Variants in AP1S3 observed in about 807,000 individuals in gnomAD.
The protein encoded by AP1S3 is AP-1 complex subunit sigma-3.
AP1S3 carries 10 observed loss-of-function variants against 20.9 expected under a neutral mutation model. The ratio of observed to expected loss-of-function variants is 0.48; its 90% CI spans 0.29 to 0.81. The LOEUF is 0.81. AP1S3 is among the 30% of genes least tolerant of loss of function. The pLI, the probability that AP1S3 is intolerant of heterozygous loss-of-function variation, is 0.08. For missense variants in AP1S3, 154 were observed against 183.8 expected (o/e 0.84, Z 0.94); for synonymous variants, 41 against 61.5 (o/e 0.67, Z 1.56).
Position 223,756,877 on chromosome 2 carries a change from C to T in AP1S3, c.*1838G>A. 1 of 985,316 alleles carries T rather than the reference C, an allele frequency of 1.0e-6. No homozygotes were observed. Among genetic ancestry groups the T allele is most frequent in the Non-Finnish European group, 1.2e-6 (1 of 829,916 alleles). The allele number at this position is 985,316 out of a possible 1,614,324, so 61.0% of individuals were successfully genotyped here. A position where few individuals can be genotyped will look rare whatever the true frequency, so the allele number is the denominator to read the frequency against. ...TCTTCTAGGAAATCACTGGAGGTCCCAAACCACTCTAATATGAATGATACC... is the reference window on the plus strand; with the variant it reads ...TCTTCTAGGAAATCACTGGAGGTCCTAAACCACTCTAATATGAATGATACC... On this transcript the variant is annotated 3_prime_UTR_variant, in exon 5 of 5. Coordinates refer to ENST00000396654, the MANE Select transcript of AP1S3 (RefSeq NM_001039569.2).
At chr2:223,765,141 A>G (rs1338106199) in intron 4 of AP1S3, 72 bp downstream of exon 4, 1 of 1,570,630 alleles carries the variant, frequency 6.4e-7, no homozygotes, top group South Asian at 1.2e-5. Context: ...AGTCTGGTTA[A>G]TATTATAATT....
intron 1 of AP1S3, among the ~76,000 whole-genome samples, chr2:223,826,555 T>C (rs1384770820): frequency 1.3e-5 from 2 of 152,250 alleles, no homozygotes; most frequent in African/African-American, 4.8e-5. Context: ...ATTGCACCAC[T>C]GCACTTCAGC....
rs1044474076 is a variant in AP1S3 at position 223,773,161 on chromosome 2, G to A, written c.291+2740C>T. Among the ~76,000 whole-genome samples the A allele has an allele frequency of 2.6e-5, 4 of 152,188 alleles. No individual in the cohort carries two copies. In the East Asian group the frequency reaches 7.7e-4, roughly 29 times the overall value. On this transcript the variant is annotated intron_variant, in intron 3 of 4. Coordinates refer to ENST00000396654, the MANE Select transcript of AP1S3 (RefSeq NM_001039569.2). ...GTTCTCTTGAGAAGCATAATGCCCT[G>A]AGATATCTGGCTGAAATTTGGTCAG... is the stretch of plus-strand genomic sequence containing the variant.
At chr2:223,785,386 T>C (rs1691049308) in intron 1 of AP1S3, among the ~76,000 whole-genome samples, 1 of 152,164 alleles carries the variant, frequency 6.6e-6, no homozygotes, top group Non-Finnish European at 1.5e-5. Flanking sequence ...GTGTGTGTAG[T>C]ATAAGAAAAA....
intron 1 of AP1S3, among the ~76,000 whole-genome samples, chr2:223,818,161 A>G (rs1691899441): frequency 1.3e-5 from 2 of 152,220 alleles, no homozygotes; most frequent in Non-Finnish European, 2.9e-5. Context: ...TCACTCTTGT[A>G]ATCACAGCAC....
intron 1 of AP1S3, among the ~76,000 whole-genome samples, chr2:223,784,540 T>C (rs550217026): frequency 1.8e-4 from 28 of 152,156 alleles, no homozygotes; most frequent in Non-Finnish European, 3.4e-4. Context: ...GTGCCCCCTC[T>C]TCTGGGGCTC....
chr2:223,836,085 C>T (rs1043015173), intron 1 of AP1S3, among the ~76,000 whole-genome samples: 4 of 152,194 alleles, frequency 2.6e-5, no homozygotes, highest in Non-Finnish European at 4.4e-5. Flanking sequence ...CCAGCAACTG[C>T]GGTCTTGCTG....
At chr2:223,833,153 A>G (rs940452213) in intron 1 of AP1S3, among the ~76,000 whole-genome samples, 4 of 146,464 alleles carry the variant, frequency 2.7e-5, no homozygotes, top group African/African-American at 7.6e-5. Context: ...TACATACATC[A>G]AAGTCCACTT....
intron 1 of AP1S3, among the ~76,000 whole-genome samples, chr2:223,783,352 G>A (rs1690997117): frequency 6.6e-6 from 1 of 152,114 alleles, no homozygotes; most frequent in Admixed American, 6.5e-5. Context: ...GCCATTTTGA[G>A]AGGTCTCACT....
chr2:223,756,660 G>A lies in AP1S3; in HGVS notation c.*2055C>T. On this transcript the variant is annotated 3_prime_UTR_variant, in exon 5 of 5. Coordinates refer to ENST00000396654, the MANE Select transcript of AP1S3 (RefSeq NM_001039569.2). ...TAAAAGCCTAATGATTATTTTATAT[G>A]CTAATCTGAGTTATTTCCTTTGAAC... 1 of 985,228 alleles carries A rather than the reference G, an allele frequency of 1.0e-6. No individual in the cohort carries two copies. The highest frequency in any genetic ancestry group is 1.2e-6 in the Non-Finnish European group (1 of 829,782). The allele number at this position is 985,228 out of a possible 1,614,324, so 61.0% of individuals were successfully genotyped here. A position where few individuals can be genotyped will look rare whatever the true frequency, so the allele number is the denominator to read the frequency against.
intron 1 of AP1S3, among the ~76,000 whole-genome samples, chr2:223,797,653 C>G (rs937041645): frequency 6.6e-6 from 1 of 152,136 alleles, no homozygotes; most frequent in African/African-American, 2.4e-5. Context: ...ACAATCTCAA[C>G]TACCTGGGAG....
At chr2:223,818,008 T>TGCCA (rs1159688952) in intron 1 of AP1S3, among the ~76,000 whole-genome samples, 1 of 152,074 alleles carries the variant, frequency 6.6e-6, no homozygotes, top group African/African-American at 2.4e-5. Flanking sequence ...CTAGGCAATG[T>TGCCA]GTCATATTGA....
At chr2:223,763,454 A>G (rs933839041) in intron 4 of AP1S3, among the ~76,000 whole-genome samples, 3 of 152,052 alleles carry the variant, frequency 2.0e-5, no homozygotes, top group Non-Finnish European at 4.4e-5. Flanking sequence ...TTCTCCTGTA[A>G]GGAGACTCCA....
intron 2 of AP1S3, among the ~76,000 whole-genome samples, chr2:223,776,633 A>G (rs917902090): frequency 1.3e-5 from 2 of 152,216 alleles, no homozygotes; most frequent in Admixed American, 6.5e-5. Context: ...ATGCAGGGTC[A>G]GGTCAGCTGT....
chr2:223,824,262 CA>C (rs1692063425), intron 1 of AP1S3, among the ~76,000 whole-genome samples: 1 of 151,938 alleles, frequency 6.6e-6, no homozygotes, highest in East Asian at 1.9e-4. Context: ...CTCAGCCTCC[CA>C]AAGTGCGGGG....
chr2:223,814,811 C>G (rs887226951), intron 1 of AP1S3, among the ~76,000 whole-genome samples: 8 of 152,200 alleles, frequency 5.3e-5, no homozygotes, highest in Non-Finnish European at 1.2e-4. Flanking sequence ...GGGTCTTACT[C>G]TGTCACCCAG....
intron 1 of AP1S3, among the ~76,000 whole-genome samples, chr2:223,783,205 C>A (rs1281004368): frequency 6.6e-6 from 1 of 152,138 alleles, no homozygotes; most frequent in Admixed American, 6.5e-5. Flanking sequence ...CCAGGAGACA[C>A]CAACTTCAGC....
chr2:223,818,200 T>G (rs1691900180), intron 1 of AP1S3, among the ~76,000 whole-genome samples: 1 of 152,158 alleles, frequency 6.6e-6, no homozygotes, highest in African/African-American at 2.4e-5. Context: ...GTGGATCTCT[T>G]GAGCTTAAGA....
intron 1 of AP1S3, among the ~76,000 whole-genome samples, chr2:223,835,516 G>C (rs939771367): frequency 1.3e-5 from 2 of 152,152 alleles, no homozygotes; most frequent in African/African-American, 4.8e-5. Flanking sequence ...TTAGCTAGGC[G>C]TGGTGGCGGG....
Sources: gnomAD v4.1 joint callset for allele counts (sites outside exome capture counted in the v4.1 genomes callset) on GRCh38, gnomAD v4.1.1 for gene constraint, MANE v1.5 for transcripts, NCBI Gene and HGNC (gene_info 2026-07-23, HGNC 2026-07-21) for gene names.